KRT83: variants seen among roughly 807,000 people sequenced by gnomAD.
KRT83 encodes the protein keratin 83.
In KRT83, 51 loss-of-function variants were observed where a neutral mutation model predicts 52.9. That is an observed-to-expected ratio of 0.96 (90% confidence interval 0.77 to 1.22). KRT83 has a LOEUF of 1.22. Ranked by LOEUF, KRT83 falls within the 50% of genes most tolerant of loss-of-function variation. KRT83 has a pLI of 0.00. For synonymous variants in KRT83, 278 were observed against 274.1 expected (o/e 1.01, Z -0.14); for missense variants, 654 against 666.5 (o/e 0.98, Z 0.21).
chr12:52,315,948 C>T lies in KRT83; in HGVS notation c.1207G>A (p.Gly403Ser). ...TAGGTGGCGATCTCGATATCCAGGCCTAGCTTGGAGTTCATCACCTCCTGG... is the reference window on the plus strand; with the variant it reads ...TAGGTGGCGATCTCGATATCCAGGCTTAGCTTGGAGTTCATCACCTCCTGG... ...EYQEVMNSKL[G>S]LDIEIATYRR... The change falls in exon 7 of 9, where the codon GGC becomes AGC. Residue 403 changes from glycine (G) to serine (S), a missense_variant. Transcript: ENST00000293670. 1.2e-6 allele frequency: 2 copies of T among 1,612,970 alleles called. No homozygotes were observed. Among genetic ancestry groups the T allele is most frequent in the Non-Finnish European group, 1.7e-6 (2 of 1,179,908 alleles).
chr12:52,316,762 AG>A, intron 5 of KRT83, 96 bp downstream of exon 5: 1 of 1,605,908 alleles, frequency 6.2e-7, no homozygotes, highest in South Asian at 1.1e-5. Context: ...TACCATCCTT[AG>A]GGATCAGAAT....
Position 52,321,120 on chromosome 12 carries a change from G to A in KRT83, c.216C>T (p.Ser72=). 2 of 1,612,378 alleles carry A rather than the reference G, an allele frequency of 1.2e-6. No individual in the cohort carries two copies. The highest frequency in any genetic ancestry group is 1.7e-6 in the Non-Finnish European group (2 of 1,179,896). Residue 72 remains serine (S), a synonymous_variant, in exon 1 of 9, where the codon TCC becomes TCT. Coordinates refer to ENST00000293670, the MANE Select transcript of KRT83 (RefSeq NM_002282.3). ...GGGGGCTGGGTCCGCACACGCCCCC[G>A]GAGCGGTAGCCGAAGCTGCGTCCGC... The part of the protein sequence containing the change: ...GSCGRSFGYR[S]GGVCGPSPPC...
At position 52,321,121 on chromosome 12, in the gene KRT83, G is replaced by A; in HGVS notation, c.215C>T (p.Ser72Phe). 1 of 1,612,368 alleles carries A rather than the reference G, an allele frequency of 6.2e-7. No homozygotes were observed. The highest frequency in any genetic ancestry group is 8.5e-7 in the Non-Finnish European group (1 of 1,179,904). ...GSCGRSFGYRSGGVCGPSPPC... is the reference protein window; with the variant it reads ...GSCGRSFGYRFGGVCGPSPPC... The stretch of plus-strand genomic sequence containing the variant: ...GGGGCTGGGTCCGCACACGCCCCCG[G>A]AGCGGTAGCCGAAGCTGCGTCCGCA... The change falls in exon 1 of 9, where the codon TCC becomes TTC. Residue 72 changes from serine to phenylalanine, a missense_variant. By Grantham distance (155) the Ser-to-Phe change is radical (BLOSUM62 -2). Coordinates refer to ENST00000293670, the MANE Select transcript of KRT83 (RefSeq NM_002282.3).
Position 52,321,192 on chromosome 12 carries a change from C to T in KRT83, c.144G>A (p.Gly48=), listed in dbSNP as rs777374672. Residue 48 remains glycine (G), a synonymous_variant, in exon 1 of 9, where the codon GGG becomes GGA. Transcript: ENST00000293670. ...RGISCYRGLT[G]GFGSHSVCGG... is the part of the protein sequence containing the mutation. ...CGCACACGCTGTGGCTGCCAAAGCC[C>T]CCGGTGAGGCCGCGGTAGCAGGAGA... 4.6e-5 allele frequency: 74 copies of T among 1,612,850 alleles called. No homozygotes were observed. Among genetic ancestry groups the T allele is most frequent in the Admixed American group, 4.0e-4 (24 of 59,944 alleles).
Position 52,316,447 on chromosome 12 carries a change from G to C in KRT83, c.1041+21C>G, listed in dbSNP as rs371181908. 4 of 1,613,840 alleles carry C rather than the reference G, an allele frequency of 2.5e-6. No individual in the cohort carries two copies. The Admixed American group carries it at 6.7e-5, about 27-fold the overall frequency. ...AACCCCAGTCTCTTCCTACACTGAG[G>C]GGTGGGCCGGGCTCTGGTACCTGGC... is the stretch of plus-strand genomic sequence containing the variant. On this transcript the variant is annotated intron_variant, in intron 6 of 8. Coordinates refer to ENST00000293670, the MANE Select transcript of KRT83 (RefSeq NM_002282.3).
intron 1 of KRT83, among the ~76,000 whole-genome samples, chr12:52,319,900 G>A (rs10876277): frequency 6.6e-6 from 1 of 152,034 alleles, no homozygotes; most frequent in Non-Finnish European, 1.5e-5. Context: ...AATGTCCTGT[G>A]CTCCAACCCC....
At position 52,321,245 on chromosome 12, in the gene KRT83, A is replaced by C. The variant is rs777462202; in HGVS notation, c.91T>G (p.Cys31Gly). ...SACGPRPSRC[C>G]ITAAPYRGIS... Reference sequence around the variant, plus strand: ...CCGCGGTAGGGGGCGGCGGTGATGCAGCAGCGGCTTGGCCGGGGCCCGCAG... The same window carrying C: ...CCGCGGTAGGGGGCGGCGGTGATGCCGCAGCGGCTTGGCCGGGGCCCGCAG... The change falls in exon 1 of 9, where the codon TGC (cysteine) becomes GGC (glycine). Residue 31 changes from cysteine to glycine, a missense_variant. Cys to Gly is a radical substitution (Grantham distance 159). Transcript: ENST00000293670. The C allele has an allele frequency of 5.2e-5, 84 of 1,613,548 alleles. 1 individual carries two copies. In the South Asian group the frequency reaches 8.0e-4, roughly 15 times the overall value.
chr12:52,318,457 T>C (rs968918468), intron 2 of KRT83, among the ~76,000 whole-genome samples: 11 of 151,984 alleles, frequency 7.2e-5, no homozygotes, highest in African/African-American at 2.7e-4. Flanking sequence ...CTCCATCTTT[T>C]CTTCCTTCGA....
intron 2 of KRT83, 142 bp downstream of exon 2, chr12:52,319,014 A>G (rs1393223922): frequency 2.5e-6 from 3 of 1,215,180 alleles, no homozygotes; most frequent in Admixed American, 3.5e-5. Flanking sequence ...CACCCAAGGG[A>G]CCCCTGTGTC....
intron 1 of KRT83, among the ~76,000 whole-genome samples, chr12:52,319,607 C>G (rs76211393): frequency 6.6e-6 from 1 of 152,300 alleles, no homozygotes; most frequent in South Asian, 2.1e-4. Flanking sequence ...CTTGAAGAGT[C>G]CAGATTCTGC....
At chr12:52,315,465 T>C in intron 7 of KRT83, 122 bp from the exon 8 acceptor site, 1 of 1,077,468 alleles carries the variant, frequency 9.3e-7, no homozygotes, top group Non-Finnish European at 1.4e-6. Flanking sequence ...TATTCCCTTG[T>C]GCAGCTTAGA....
intron 8 of KRT83, 95 bp from the exon 9 acceptor site, chr12:52,314,913 G>A: frequency 7.9e-7 from 1 of 1,266,626 alleles, no homozygotes; most frequent in Non-Finnish European, 1.1e-6. Flanking sequence ...ACCATCCAGG[G>A]AAGGATGCAA....
rs369729957 is a variant in KRT83, at chr12:52,314,774, C to T, written c.1339G>A (p.Val447Met). 3.8e-5 allele frequency: 61 copies of T among 1,605,986 alleles called. No individual in the cohort carries two copies. Among genetic ancestry groups the T allele is most frequent in the South Asian group, 9.0e-5 (8 of 88,946 alleles). ...RGGVVCGDLC[V>M]SGSRPVTGSV... is the part of the protein sequence containing the mutation. ...CCCGTCACCGGCCGGGAGCCCGACA[C>T]GCAGAGATCCCCGCACACAACCCCA... is the stretch of plus-strand genomic sequence containing the variant. Residue 447 changes from valine (V) to methionine (M), a missense_variant, in exon 9 of 9, where the codon GTG (valine) becomes ATG (methionine). Physicochemically the swap from Val to Met is conservative, Grantham distance 21. Coordinates refer to ENST00000293670, the MANE Select transcript of KRT83 (RefSeq NM_002282.3).
At chr12:52,319,694 C>A (rs1330090462) in intron 1 of KRT83, among the ~76,000 whole-genome samples, 1 of 152,200 alleles carries the variant, frequency 6.6e-6, no homozygotes. Flanking sequence ...GCTCACCTTA[C>A]TATGAGGATT....
intron 6 of KRT83, 107 bp from the exon 7 acceptor site, chr12:52,316,220 T>C (rs1193750173): frequency 2.0e-6 from 3 of 1,465,872 alleles, no homozygotes; most frequent in Non-Finnish European, 2.8e-6. Context: ...ATATTATCTC[T>C]CCAATCAGCT....
In KRT83 at chr12:52,314,704, G is replaced by C; in HGVS notation, c.1409C>G (p.Thr470Ser). 1 of 1,585,676 alleles carries C rather than the reference G, an allele frequency of 6.3e-7. No individual in the cohort carries two copies. Among genetic ancestry groups the C allele is most frequent in the Non-Finnish European group, 8.6e-7 (1 of 1,166,108 alleles). ...APCNGNLVVS[T>S]GLCKPCGQLN... ...CTGGCCACAGGGCTTGCACAAACCAGTGCTCACCACCAGGTTCCCGTTGCA... is the reference window on the plus strand; with the variant it reads ...CTGGCCACAGGGCTTGCACAAACCACTGCTCACCACCAGGTTCCCGTTGCA... Residue 470 changes from threonine (T) to serine (S), a missense_variant, in exon 9 of 9, where the codon ACT becomes AGT. Coordinates refer to ENST00000293670, the MANE Select transcript of KRT83 (RefSeq NM_002282.3).
chr12:52,318,466 G>A (rs1327161636), intron 2 of KRT83, among the ~76,000 whole-genome samples: 1 of 151,672 alleles, frequency 6.6e-6, no homozygotes, highest in African/African-American at 2.4e-5. Context: ...TTCTTCCTTC[G>A]AGCCCTCCCC....
chr12:52,317,821 G>T (rs780773670), intron 3 of KRT83, 45 bp from the exon 4 acceptor site: 1 of 1,609,906 alleles, frequency 6.2e-7, no homozygotes, highest in Non-Finnish European at 8.5e-7. Flanking sequence ...TCCTCAGAGG[G>T]CTCTGAGGAC....
intron 8 of KRT83, among the ~76,000 whole-genome samples, 198 bp downstream of exon 8, chr12:52,315,114 T>G (rs1485169375): frequency 6.6e-6 from 1 of 152,194 alleles, no homozygotes; most frequent in Admixed American, 6.5e-5. Context: ...CTTATTATTT[T>G]TTCCCCTCCC....
Sources: allele counts gnomAD v4.1 joint callset (sites outside exome capture counted in the v4.1 genomes callset), GRCh38; gene constraint gnomAD v4.1.1; transcripts MANE v1.5; gene names NCBI Gene and HGNC (gene_info 2026-07-23, HGNC 2026-07-21).